The following FHOD3 variants were observed in gnomAD, a reference collection of about 807,000 sequenced individuals.
FHOD3 encodes formin homology 2 domain containing 3.
FHOD3 carries 90 observed loss-of-function variants against 173.0 expected under a neutral mutation model. That is an observed-to-expected ratio of 0.52 (90% CI 0.44 to 0.62). The LOEUF (loss-of-function observed/expected upper bound fraction) is 0.62. Among genes scored for constraint, FHOD3 ranks in the 20% least tolerant of loss-of-function variants. The probability of loss-of-function intolerance (pLI) is 0.00; values close to 1 mark genes in which losing one functional copy is unlikely to be tolerated. For synonymous variants in FHOD3, 828 were observed against 823.0 expected (o/e 1.01, Z -0.10); for missense variants, 1,945 against 2,034.7 (o/e 0.96, Z 0.85).
intron 18 of FHOD3, among the ~76,000 whole-genome samples, chr18:36,716,948 G>GTGTGTGTGTGTGTGTGTGTA (rs1568659972): frequency 6.6e-6 from 1 of 151,380 alleles, no homozygotes; most frequent in African/African-American, 2.4e-5. Context: ...GTGTGTGTGT[G>GTGTGTGTGTGTGTGTGTGTA]TGTGTATGTG....
At chr18:36,345,646 T>C (rs1046557445) in intron 1 of FHOD3, among the ~76,000 whole-genome samples, 1 of 152,132 alleles carries the variant, frequency 6.6e-6, no homozygotes, top group African/African-American at 2.4e-5. Context: ...TTGTGAAAAT[T>C]ATAGTCTTAA....
At chr18:36,609,936 T>C (rs181620488) in intron 8 of FHOD3, among the ~76,000 whole-genome samples, 4 of 152,264 alleles carry the variant, frequency 2.6e-5, no homozygotes, top group Non-Finnish European at 4.4e-5. Context: ...TAGTTCTCAT[T>C]TTTAAATTAT....
intron 10 of FHOD3, among the ~76,000 whole-genome samples, chr18:36,630,793 A>G (rs1276044629): frequency 3.9e-5 from 6 of 152,262 alleles, no homozygotes; most frequent in Non-Finnish European, 8.8e-5. Context: ...AAAGTTACAT[A>G]TAAGAATTGC....
chr18:36,474,555 A>G (rs1437755682), intron 3 of FHOD3, among the ~76,000 whole-genome samples: 1 of 152,180 alleles, frequency 6.6e-6, no homozygotes, highest in Admixed American at 6.5e-5. Flanking sequence ...AGAGCCTGGC[A>G]GTCCCTGGAA....
chr18:36,516,226 C>T (rs578110374), intron 5 of FHOD3, among the ~76,000 whole-genome samples: 14 of 152,140 alleles, frequency 9.2e-5, no homozygotes, highest in African/African-American at 3.4e-4. Context: ...GTGCTGTCTT[C>T]GGTGGGGACT....
At chr18:36,700,000 C>CA (rs970524586) in intron 17 of FHOD3, among the ~76,000 whole-genome samples, 36 of 152,098 alleles carry the variant, frequency 2.4e-4, no homozygotes, top group Non-Finnish European at 4.9e-4. Flanking sequence ...CCTTTTGAGT[C>CA]GCGTGCATTT....
At chr18:36,470,574 A>G (rs1426879926) in intron 3 of FHOD3, among the ~76,000 whole-genome samples, 2 of 152,204 alleles carry the variant, frequency 1.3e-5, no homozygotes, top group East Asian at 3.9e-4. Context: ...TAATTATACA[A>G]TATGTGTGTA....
chr18:36,754,773 A>C (rs1022821816), intron 24 of FHOD3, among the ~76,000 whole-genome samples: 2 of 151,718 alleles, frequency 1.3e-5, no homozygotes, highest in Admixed American at 6.6e-5. Flanking sequence ...TTTTACATAT[A>C]TCCATTTTAG....
intron 24 of FHOD3, among the ~76,000 whole-genome samples, chr18:36,747,771 G>A (rs1362551511): frequency 6.6e-6 from 1 of 152,236 alleles, no homozygotes; most frequent in Non-Finnish European, 1.5e-5. Context: ...AGAAAGCAGT[G>A]GTAGCCCGAA....
chr18:36,581,543 T>G (rs1372810719), intron 6 of FHOD3, among the ~76,000 whole-genome samples: 1 of 152,226 alleles, frequency 6.6e-6, no homozygotes, highest in African/African-American at 2.4e-5. Context: ...GATCTCATCC[T>G]TCCATCTGTG....
At chr18:36,582,435 G>A (rs1426516032) in intron 6 of FHOD3, among the ~76,000 whole-genome samples, 2 of 152,220 alleles carry the variant, frequency 1.3e-5, no homozygotes, top group Non-Finnish European at 1.5e-5. Context: ...CATACTTCTA[G>A]ATGCAGAGGG....
At chr18:36,762,058 A>C (rs2042904380) in intron 27 of FHOD3, among the ~76,000 whole-genome samples, 1 of 152,148 alleles carries the variant, frequency 6.6e-6, no homozygotes, top group Non-Finnish European at 1.5e-5. Flanking sequence ...GGAGGGCTGC[A>C]GTCTGGAGAA....
At position 36,612,008 on chromosome 18, in the gene FHOD3, G is replaced by A; in HGVS notation, c.870G>A (p.Glu290=). 6.2e-7 allele frequency: 1 copy of A among 1,614,166 alleles called. No homozygotes were observed. The highest frequency in any genetic ancestry group is 8.5e-7 in the Non-Finnish European group (1 of 1,180,026). The change falls in exon 9 of 29, where the codon GAG becomes GAA. Residue 290 remains glutamate (E), a synonymous_variant. Coordinates refer to ENST00000590592, the MANE Select transcript of FHOD3 (RefSeq NM_001281740.3). ...TCTACGACGTCGTGGACTGCCTGGA[G>A]GAGCTGGGCATTGCTGCTGTGTCCC... The part of the protein sequence containing the change: ...DTFYDVVDCL[E]ELGIAAVSQR...
intron 9 of FHOD3, among the ~76,000 whole-genome samples, chr18:36,614,212 C>T (rs1001587474): frequency 6.6e-6 from 1 of 152,188 alleles, no homozygotes; most frequent in African/African-American, 2.4e-5. Context: ...CTTTCTCTCT[C>T]TATGGATTTA....
chr18:36,653,149 G>A (rs1361904151), intron 12 of FHOD3, among the ~76,000 whole-genome samples, 193 bp from the exon 13 acceptor site: 1 of 152,096 alleles, frequency 6.6e-6, no homozygotes, highest in Non-Finnish European at 1.5e-5. Context: ...TGAATTAAGG[G>A]GATCATTTGT....
chr18:36,531,448 C>T (rs2056775955), intron 5 of FHOD3, among the ~76,000 whole-genome samples: 2 of 152,194 alleles, frequency 1.3e-5, no homozygotes, highest in African/African-American at 4.8e-5. Context: ...GTCCAAAACA[C>T]TCTAGTGGTT....
chr18:36,342,769 A>G (rs910835585), intron 1 of FHOD3, among the ~76,000 whole-genome samples: 1 of 152,236 alleles, frequency 6.6e-6, no homozygotes, highest in Admixed American at 6.5e-5. Flanking sequence ...TTTGCAAATC[A>G]CATATCCGAT....
chr18:36,440,409 G>A (rs1183586937), intron 3 of FHOD3, among the ~76,000 whole-genome samples: 1 of 152,234 alleles, frequency 6.6e-6, no homozygotes, highest in East Asian at 1.9e-4. Flanking sequence ...CCTTATTTGA[G>A]GAGCTCCTTG....
At chr18:36,480,862 T>C (rs946641487) in intron 3 of FHOD3, among the ~76,000 whole-genome samples, 6 of 152,176 alleles carry the variant, frequency 3.9e-5, no homozygotes, top group Non-Finnish European at 8.8e-5. Context: ...TTCTTGCTTT[T>C]GTCTCCAAAT....
Sources: allele counts gnomAD v4.1 joint callset (sites outside exome capture counted in the v4.1 genomes callset), GRCh38; gene constraint gnomAD v4.1.1; transcripts MANE v1.5; gene names NCBI Gene and HGNC (gene_info 2026-07-23, HGNC 2026-07-21).